Variants in DTNB observed in about 807,000 individuals in gnomAD.
DTNB encodes dystrobrevin beta.
DTNB carries 63 observed loss-of-function variants against 90.7 expected under a neutral mutation model. The observed-to-expected ratio is 0.69, with a 90% confidence interval of 0.57 to 0.86. DTNB has a LOEUF of 0.86. Among genes scored for constraint, DTNB ranks in the 40% least tolerant of loss-of-function variants. The pLI, the probability that DTNB is intolerant of heterozygous loss-of-function variation, is 0.00. For synonymous variants in DTNB, 277 were observed against 286.7 expected (o/e 0.97, Z 0.34); for missense variants, 744 against 807.1 (o/e 0.92, Z 0.95).
chr2:25,411,862 C>T (rs2046704046), intron 16 of DTNB, among the ~76,000 whole-genome samples: 5 of 152,158 alleles, frequency 3.3e-5, no homozygotes, highest in Admixed American at 2.0e-4. Context: ...AAATGAATGG[C>T]AATCCTTTGC....
chr2:25,446,300 G>T (rs981647490), intron 12 of DTNB, among the ~76,000 whole-genome samples: 1 of 152,168 alleles, frequency 6.6e-6, no homozygotes, highest in Non-Finnish European at 1.5e-5. Context: ...GTAGTGGCAT[G>T]ATCACAGTTC....
intron 8 of DTNB, among the ~76,000 whole-genome samples, chr2:25,549,061 G>A (rs1287855706): frequency 6.6e-6 from 1 of 151,920 alleles, no homozygotes; most frequent in East Asian, 1.9e-4. Flanking sequence ...TTAATATTTT[G>A]TAAAATTATA....
At chr2:25,595,178 C>T (rs1464933587) in intron 6 of DTNB, 1 of 152,148 alleles carries the variant, frequency 6.6e-6, no homozygotes, top group Non-Finnish European at 1.5e-5. Context: ...TTGAGTACTT[C>T]TCAATGCGTC....
intron 4 of DTNB, among the ~76,000 whole-genome samples, chr2:25,611,673 C>T (rs1262885527): frequency 2.6e-5 from 4 of 152,080 alleles, no homozygotes; most frequent in Non-Finnish European, 2.9e-5. Context: ...AGGATCCTAT[C>T]GACTTCTAAA....
intron 15 of DTNB, among the ~76,000 whole-genome samples, chr2:25,419,990 A>G (rs991034717): frequency 2.0e-5 from 3 of 152,204 alleles, no homozygotes; most frequent in Non-Finnish European, 2.9e-5. Flanking sequence ...TGCATGGAAC[A>G]CAGACCAGCA....
intron 8 of DTNB, among the ~76,000 whole-genome samples, chr2:25,552,856 T>A (rs1445252264): frequency 1.5e-5 from 2 of 130,910 alleles, no homozygotes; most frequent in Non-Finnish European, 3.3e-5. Flanking sequence ...TTTTTTTTTT[T>A]TTTTTTTTTT....
intron 4 of DTNB, among the ~76,000 whole-genome samples, chr2:25,610,549 A>T (rs2068330879): frequency 6.6e-6 from 1 of 152,158 alleles, no homozygotes; most frequent in South Asian, 2.1e-4. Flanking sequence ...TTCATGAATG[A>T]ACTTTCACAA....
At position 25,424,762 on chromosome 2, in the gene DTNB, G is replaced by A. The variant is rs1014756376; in HGVS notation, c.1554+2773C>T. Among the ~76,000 whole-genome samples the A allele has an allele frequency of 6.6e-6, 1 of 151,746 alleles. No individual in the cohort carries two copies. Among genetic ancestry groups the A allele is most frequent in the Non-Finnish European group, 1.5e-5 (1 of 67,940 alleles). ...TGCTCACTGCAGCCTCCACCTCCTG[G>A]GCTTAAGCGATCCTCCCACCTCAGC... On this transcript the variant is annotated intron_variant, in intron 15 of 20. Coordinates refer to ENST00000406818, the MANE Select transcript of DTNB (RefSeq NM_021907.5). The surrounding 1 kb of genome is among the most constrained non-coding windows in gnomAD (Gnocchi z 4.1).
At chr2:25,607,193 T>C (rs2067294182) in intron 5 of DTNB, 43 bp downstream of exon 5, 1 of 1,540,762 alleles carries the variant, frequency 6.5e-7, no homozygotes, top group Non-Finnish European at 8.8e-7. Flanking sequence ...TTAAAAGTCC[T>C]AATTTGAAAA....
intron 9 of DTNB, among the ~76,000 whole-genome samples, chr2:25,500,933 A>T (rs896123372): frequency 6.6e-6 from 1 of 152,340 alleles, no homozygotes; most frequent in East Asian, 1.9e-4. Flanking sequence ...ACTGCTGGCC[A>T]CTTTTGAGGA....
chr2:25,474,027 T>C (rs2063299798), intron 10 of DTNB, among the ~76,000 whole-genome samples: 3 of 152,258 alleles, frequency 2.0e-5, no homozygotes, highest in Admixed American at 1.3e-4. Flanking sequence ...ATTATGCTTC[T>C]GTCAGCTTCT....
intron 3 of DTNB, among the ~76,000 whole-genome samples, chr2:25,637,432 T>A (rs2077353012): frequency 6.6e-6 from 1 of 152,168 alleles, no homozygotes; most frequent in Admixed American, 6.5e-5. Flanking sequence ...ATCTACGGAA[T>A]GGGAGAAAAT....
At chr2:25,470,621 C>T (rs1347787591) in intron 10 of DTNB, among the ~76,000 whole-genome samples, 1 of 152,098 alleles carries the variant, frequency 6.6e-6, no homozygotes, top group Admixed American at 6.6e-5. Flanking sequence ...AGGTGATCCA[C>T]CCGCCTTGGC....
At chr2:25,634,470 G>T (rs1355147981) in intron 3 of DTNB, among the ~76,000 whole-genome samples, 1 of 147,210 alleles carries the variant, frequency 6.8e-6, no homozygotes, top group South Asian at 2.2e-4. Context: ...TCGCCCCGTC[G>T]GGGAGGTGAG....
At chr2:25,489,319 G>A (rs2066879024) in intron 9 of DTNB, among the ~76,000 whole-genome samples, 1 of 152,104 alleles carries the variant, frequency 6.6e-6, no homozygotes, top group Non-Finnish European at 1.5e-5. Flanking sequence ...TCAGATATTT[G>A]CCTATAATGT....
intron 16 of DTNB, among the ~76,000 whole-genome samples, chr2:25,410,038 C>A (rs1478342448): frequency 6.6e-6 from 1 of 152,216 alleles, no homozygotes; most frequent in Non-Finnish European, 1.5e-5. Flanking sequence ...TCCCTAGATT[C>A]TTAGGCTCCA....
At chr2:25,617,456 C>T (rs922204981) in intron 4 of DTNB, among the ~76,000 whole-genome samples, 1 of 152,130 alleles carries the variant, frequency 6.6e-6, no homozygotes, top group African/African-American at 2.4e-5. Context: ...ACCCTTCTTC[C>T]CCATTCAAAT....
At position 25,520,865 on chromosome 2, in the gene DTNB, T is replaced by C. The variant is rs1041151596; in HGVS notation, c.1001+10608A>G. On this transcript the variant is annotated intron_variant, in intron 9 of 20. Transcript: ENST00000406818. ...TTAGAGCCACATTAAAGTATTACTG[T>C]AATTACAGTTTTATAATTACAGTAT... is the stretch of plus-strand genomic sequence containing the variant. Among the ~76,000 whole-genome samples the C allele has an allele frequency of 5.3e-5, 8 of 152,220 alleles. No individual in the cohort carries two copies. In the East Asian group the frequency reaches 1.5e-3, roughly 29 times the overall value.
At chr2:25,631,221 T>C (rs989272839) in intron 3 of DTNB, among the ~76,000 whole-genome samples, 1 of 152,230 alleles carries the variant, frequency 6.6e-6, no homozygotes, top group Non-Finnish European at 1.5e-5. Context: ...GAATTTTATG[T>C]AATTTTTAAT....
Sources: allele counts gnomAD v4.1 joint callset (sites outside exome capture counted in the v4.1 genomes callset), GRCh38; gene constraint gnomAD v4.1.1; non-coding constraint Gnocchi (gnomAD v3.1); transcripts MANE v1.5; gene names NCBI Gene and HGNC (gene_info 2026-07-23, HGNC 2026-07-21).